PCLO: variants seen among roughly 807,000 people sequenced by gnomAD.
PCLO encodes protein piccolo.
In PCLO, 82 loss-of-function variants were observed where a neutral mutation model predicts 427.5. The ratio of observed to expected loss-of-function variants is 0.19; its 90% confidence interval spans 0.16 to 0.23. PCLO has a LOEUF of 0.23. Ranked by LOEUF, PCLO falls within the 10% of genes least tolerant of loss-of-function variation. The probability of loss-of-function intolerance (pLI) is 1.00; values close to 1 mark genes in which losing one functional copy is unlikely to be tolerated. For missense variants in PCLO, 6,239 were observed against 6,115.9 expected (o/e 1.02, Z -0.67); for synonymous variants, 2,357 against 2,155.4 (o/e 1.09, Z -2.59).
At chr7:83,016,501 A>G (rs1280874517) in intron 3 of PCLO, among the ~76,000 whole-genome samples, 1 of 152,122 alleles carries the variant, frequency 6.6e-6, no homozygotes, top group Non-Finnish European at 1.5e-5. Flanking sequence ...CCATTAAAGA[A>G]TGTGTCTTTT....
intron 3 of PCLO, among the ~76,000 whole-genome samples, chr7:83,061,107 T>C (rs1454588506): frequency 6.6e-6 from 1 of 152,184 alleles, no homozygotes; most frequent in African/African-American, 2.4e-5. Context: ...TTTCATCCTG[T>C]TTCTGGTGGC....
intron 20 of PCLO, among the ~76,000 whole-genome samples, chr7:82,815,909 G>C (rs1021870680): frequency 6.6e-6 from 1 of 151,992 alleles, no homozygotes; most frequent in Non-Finnish European, 1.5e-5. Flanking sequence ...TAAAATGATG[G>C]TTAGATCTAC....
intron 10 of PCLO, among the ~76,000 whole-genome samples, chr7:82,872,989 A>T (rs1793274292): frequency 6.6e-6 from 1 of 152,154 alleles, no homozygotes. Context: ...GCAAAAGTAT[A>T]ACCCGAATTA....
chr7:82,884,475 T>C (rs1793583534), intron 9 of PCLO, among the ~76,000 whole-genome samples: 2 of 152,196 alleles, frequency 1.3e-5, no homozygotes, highest in Admixed American at 1.3e-4. Flanking sequence ...CCAAGAAAAT[T>C]TGTCAGGACT....
At chr7:83,046,516 T>C (rs868413997) in intron 3 of PCLO, among the ~76,000 whole-genome samples, 4 of 152,230 alleles carry the variant, frequency 2.6e-5, no homozygotes, top group Middle Eastern at 6.8e-3. Context: ...AAGTATTTCA[T>C]AAACACTGTT....
At chr7:83,149,501 T>C (rs1792077115) in intron 2 of PCLO, among the ~76,000 whole-genome samples, 1 of 152,186 alleles carries the variant, frequency 6.6e-6, no homozygotes, top group African/African-American at 2.4e-5. Flanking sequence ...GTCCTCCTTT[T>C]TAAGAGGAAC....
chr7:82,855,535 A>G (rs988185440), intron 10 of PCLO, among the ~76,000 whole-genome samples: 3 of 152,216 alleles, frequency 2.0e-5, no homozygotes, highest in African/African-American at 7.2e-5. Flanking sequence ...TAATATGATA[A>G]TTTGGAAATT....
chr7:83,075,952 A>C (rs1197301857), intron 3 of PCLO, among the ~76,000 whole-genome samples: 1 of 152,064 alleles, frequency 6.6e-6, no homozygotes, highest in Admixed American at 6.5e-5. Context: ...TTACACAGGA[A>C]AACTTTTTTT....
rs189561105 is a variant in PCLO at position 82,954,786 on chromosome 7, C to T, written c.6167G>A (p.Arg2056Lys). 129 of 1,613,706 alleles carry T rather than the reference C, an allele frequency of 8.0e-5. No homozygotes were observed. The Admixed American group carries it at 1.5e-3, about 19-fold the overall frequency. Residue 2056 changes from arginine (R) to lysine (K), a missense_variant, in exon 5 of 25, where the codon AGG becomes AAG. Physicochemically the swap from Arg to Lys is conservative, Grantham distance 26. Around this residue, in one of 5 missense-constraint regions of PCLO, gnomAD observed 4,677 missense variants for 4,468.4 expected, o/e 1.05. Coordinates refer to ENST00000333891, the MANE Select transcript of PCLO (RefSeq NM_033026.6). ...GTMVTSTEEE[R>K]KLLDADAAYE... ...GGCAGCATCAGCATCTAGTAGTTTC[C>T]TTTCTTCTTCTGTAGAAGTTACCAT...
rs780079111 is a variant in PCLO, at chr7:82,845,282, C to T, written c.14035G>A (p.Gly4679Ser). The T allele has an allele frequency of 1.5e-5, 25 of 1,612,928 alleles. No homozygotes were observed. Among genetic ancestry groups the T allele is most frequent in the East Asian group, 1.3e-4 (6 of 44,792 alleles). Residue 4679 changes from glycine to serine, a missense_variant, in exon 13 of 25, where the codon GGC becomes AGC. Physicochemically the swap from Gly to Ser is moderately conservative, Grantham distance 56. Transcript: ENST00000333891. ...TCAACAATCCTCACCTTGCTGCTGC[C>T]GTGCTTCTTTTTGCTCACTGAGGGG... ...GSPSVSKKKH[G>S]SSKPTDGTKV...
At chr7:83,149,980 T>C (rs1488108774) in intron 2 of PCLO, among the ~76,000 whole-genome samples, 1 of 152,122 alleles carries the variant, frequency 6.6e-6, no homozygotes, top group Admixed American at 6.5e-5. Context: ...CTTATATATG[T>C]GCCATAATGA....
intron 22 of PCLO, among the ~76,000 whole-genome samples, chr7:82,792,064 G>T (rs939836738): frequency 6.6e-6 from 1 of 151,798 alleles, no homozygotes; most frequent in African/African-American, 2.4e-5. Context: ...TCAAAGTCAG[G>T]TTTTTTAAAA....
At chr7:82,846,765 C>A in intron 11 of PCLO, 131 bp from the exon 12 acceptor site, 1 of 609,322 alleles carries the variant, frequency 1.6e-6, no homozygotes, top group Non-Finnish European at 2.9e-6. Flanking sequence ...AACTCCAAAG[C>A]ATGCCTACCA....
At chr7:83,026,712 T>A (rs1194451526) in intron 3 of PCLO, among the ~76,000 whole-genome samples, 1 of 151,672 alleles carries the variant, frequency 6.6e-6, no homozygotes, top group African/African-American at 2.4e-5. Flanking sequence ...GAAGTAAAGC[T>A]CTCCTCAGCA....
intron 3 of PCLO, among the ~76,000 whole-genome samples, chr7:83,106,567 T>C (rs954570442): frequency 2.0e-5 from 3 of 152,194 alleles, no homozygotes; most frequent in Non-Finnish European, 2.9e-5. Context: ...CCTATTTCAC[T>C]GGATTATGAG....
At chr7:83,130,731 G>A (rs1562979827) in intron 3 of PCLO, among the ~76,000 whole-genome samples, 1 of 152,108 alleles carries the variant, frequency 6.6e-6, no homozygotes, top group East Asian at 1.9e-4. Flanking sequence ...AATGGAAAAT[G>A]TGGAAGCCAC....
At position 82,757,656 on chromosome 7, in the gene PCLO, T is replaced by A. The variant is rs1790346344; in HGVS notation, c.*919A>T. 6.6e-6 allele frequency: 1 copy of A among 151,938 alleles called. No homozygotes were observed. The highest frequency in any genetic ancestry group is 2.1e-4 in the South Asian group (1 of 4,818). 9.4% of individuals were successfully genotyped at this position (151,938 alleles called of 1,614,324 possible). A position where few individuals can be genotyped will look rare whatever the true frequency, so the allele number is the denominator to read the frequency against. On this transcript the variant is annotated 3_prime_UTR_variant, in exon 25 of 25. Transcript: ENST00000333891. ...GCAGGATAATACATTTATTTGCAGTTTCACAAAGAGTAAGTTATCATGCTT... is the reference window on the plus strand; with the variant it reads ...GCAGGATAATACATTTATTTGCAGTATCACAAAGAGTAAGTTATCATGCTT...
At chr7:83,068,606 G>T (rs886707885) in intron 3 of PCLO, among the ~76,000 whole-genome samples, 4 of 152,134 alleles carry the variant, frequency 2.6e-5, no homozygotes, top group Non-Finnish European at 5.9e-5. Flanking sequence ...TGTTAGAATA[G>T]CTGTTATAAG....
rs1009210006 is a variant in PCLO at position 82,877,666 on chromosome 7, T to C, written c.13654+1671A>G. ...TGCCATTAGAATATTTTTAATAATG[T>C]GCATTTATTTATTTATGAGACAGAG... On this transcript the variant is annotated intron_variant, in intron 10 of 24. Coordinates refer to ENST00000333891, the MANE Select transcript of PCLO (RefSeq NM_033026.6). Among the ~76,000 whole-genome samples the C allele has an allele frequency of 4.6e-5, 7 of 152,114 alleles. No homozygotes were observed. In the East Asian group the frequency reaches 1.4e-3, roughly 29 times the overall value.
Sources: gnomAD v4.1 joint callset for allele counts (sites outside exome capture counted in the v4.1 genomes callset) on GRCh38, gnomAD v4.1.1 for gene constraint, gnomAD v4.1.1 regional missense constraint, MANE v1.5 for transcripts, NCBI Gene and HGNC (gene_info 2026-07-23, HGNC 2026-07-21) for gene names.